PCDH11Y: variants seen among roughly 807,000 people sequenced by gnomAD.
PCDH11Y encodes protocadherin 11 Y-linked, also known as protocadherin-11 Y-linked.
For missense variants in PCDH11Y, 12 were observed against 224.8 expected (o/e 0.05, Z 6.05); for synonymous variants, 9 against 83.6 (o/e 0.11, Z 4.87).
At chrY:5,446,682 C>T in intron 2 of PCDH11Y, among the ~76,000 whole-genome samples, 2 of 33,299 alleles carry the variant, frequency 6.0e-5, no homozygotes, top group Non-Finnish European at 7.5e-5. Flanking sequence ...TGTTGATACT[C>T]ACTTTCAGTT....
chrY:5,459,127 C>T, intron 2 of PCDH11Y, among the ~76,000 whole-genome samples: 1 of 31,370 alleles, frequency 3.2e-5, no homozygotes, highest in African/African-American at 1.2e-4. Context: ...CTTCATCTTT[C>T]CTTTTTAAAA....
chrY:5,491,878 C>T (rs1602933434), intron 2 of PCDH11Y, among the ~76,000 whole-genome samples: 1 of 31,839 alleles, frequency 3.1e-5, no homozygotes, highest in Non-Finnish European at 7.6e-5. Context: ...CTCACACACC[C>T]CTCTCCTCCC....
intron 2 of PCDH11Y, among the ~76,000 whole-genome samples, chrY:5,342,605 C>T: frequency 3.1e-5 from 1 of 32,717 alleles, no homozygotes; most frequent in Non-Finnish European, 7.5e-5. Flanking sequence ...GTAGTCTTAA[C>T]GGCCACAAAT....
At chrY:5,327,615 A>G (rs375688354) in intron 2 of PCDH11Y, among the ~76,000 whole-genome samples, 3 of 32,221 alleles carry the variant, frequency 9.3e-5, no homozygotes, top group African/African-American at 3.7e-4. Flanking sequence ...GAAGGAGTAG[A>G]GATGTCCCAT....
intron 1 of PCDH11Y, among the ~76,000 whole-genome samples, chrY:5,007,793 A>G: frequency 3.8e-5 from 1 of 26,572 alleles, no homozygotes; most frequent in South Asian, 9.0e-4. Context: ...AAGCTTCAAG[A>G]GGATTGATGG....
chrY:5,019,113 A>G, intron 1 of PCDH11Y: 2 of 33,674 alleles, frequency 5.9e-5, no homozygotes, highest in East Asian at 7.9e-4. Context: ...AGAGTGTAGT[A>G]TCTGTTCCTA....
chrY:5,115,944 C>T (rs1602870501), intron 2 of PCDH11Y, among the ~76,000 whole-genome samples: 3 of 31,147 alleles, frequency 9.6e-5, no homozygotes, highest in Admixed American at 2.9e-4. Context: ...GTTTCACCGT[C>T]TTAGCCGGGA....
intron 2 of PCDH11Y, among the ~76,000 whole-genome samples, chrY:5,208,410 A>T: frequency 3.0e-5 from 1 of 32,865 alleles, no homozygotes; most frequent in Non-Finnish European, 7.4e-5. Context: ...ATATGTTATA[A>T]TCTGTAAACA....
chrY:5,655,217 A>G (rs2124706611), intron 4 of PCDH11Y, among the ~76,000 whole-genome samples: 1 of 28,364 alleles, frequency 3.5e-5, no homozygotes, highest in East Asian at 8.9e-4. Context: ...GGGGTTTGAT[A>G]CGCCGTCTCC....
intron 4 of PCDH11Y, among the ~76,000 whole-genome samples, chrY:5,729,354 T>C (rs2053601404): frequency 2.2e-4 from 7 of 32,174 alleles, no homozygotes; most frequent in African/African-American, 8.5e-4. Flanking sequence ...GGTTTTGATT[T>C]GCATTTATCT....
chrY:5,333,494 G>T (rs2053133186), intron 2 of PCDH11Y, among the ~76,000 whole-genome samples: 1 of 33,718 alleles, frequency 3.0e-5, no homozygotes, highest in East Asian at 7.8e-4. Context: ...CAGGGGGACT[G>T]CAATGGAGAA....
intron 4 of PCDH11Y, among the ~76,000 whole-genome samples, chrY:5,710,393 T>G: frequency 3.0e-5 from 1 of 32,917 alleles, no homozygotes. Flanking sequence ...TCTCTCTTTG[T>G]GCAAACCAGT....
intron 4 of PCDH11Y, among the ~76,000 whole-genome samples, chrY:5,711,183 TA>T (rs2053586086): frequency 6.9e-5 from 1 of 14,473 alleles, no homozygotes; most frequent in African/African-American, 2.8e-4. Flanking sequence ...CAGGGAAGAA[TA>T]ACAGCAGTCA....
chrY:5,047,224 G>C (rs1602849673), intron 3 of PCDH11Y, among the ~76,000 whole-genome samples: 1 of 32,304 alleles, frequency 3.1e-5, no homozygotes. Context: ...TAAAATTGTT[G>C]GTATATATTT....
intron 2 of PCDH11Y, among the ~76,000 whole-genome samples, chrY:5,227,376 A>C (rs2124653301): frequency 3.0e-5 from 1 of 32,989 alleles, no homozygotes; most frequent in East Asian, 8.0e-4. Flanking sequence ...TATCATATTC[A>C]TACAAGAATA....
intron 3 of PCDH11Y, among the ~76,000 whole-genome samples, chrY:5,049,392 A>G (rs2124626629): frequency 3.3e-5 from 1 of 30,430 alleles, no homozygotes; most frequent in South Asian, 7.7e-4. Flanking sequence ...GAATTTTAAC[A>G]TAGTTTTTTT....
chrY:5,427,272 GC>G (rs2053264324), intron 2 of PCDH11Y, among the ~76,000 whole-genome samples: 1 of 33,114 alleles, frequency 3.0e-5, no homozygotes, highest in Non-Finnish European at 7.5e-5. Context: ...ATTAACAATT[GC>G]CCATGTTTTC....
chrY:5,397,657 T>G, intron 2 of PCDH11Y, among the ~76,000 whole-genome samples: 1 of 32,067 alleles, frequency 3.1e-5, no homozygotes, highest in Non-Finnish European at 7.6e-5. Flanking sequence ...TTTGTTGTTG[T>G]TTTATTTTTT....
intron 2 of PCDH11Y, among the ~76,000 whole-genome samples, chrY:5,483,541 T>C: frequency 9.1e-5 from 3 of 32,908 alleles, no homozygotes. Flanking sequence ...TCTATTTTAT[T>C]TATTTATTGA....
Sources: allele counts gnomAD v4.1 joint callset (sites outside exome capture counted in the v4.1 genomes callset), GRCh38; gene constraint gnomAD v4.1.1; transcripts MANE v1.5; gene names NCBI Gene and HGNC (gene_info 2026-07-23, HGNC 2026-07-21).